The following CYFIP2 variants were observed in gnomAD, a reference collection of about 807,000 sequenced individuals.
CYFIP2 encodes cytoplasmic FMR1 interacting protein 2, also known as cytoplasmic FMR1-interacting protein 2.
In CYFIP2, 29 loss-of-function variants were observed where a neutral mutation model predicts 158.7. The observed-to-expected ratio is 0.18, with a 90% CI of 0.14 to 0.25. The LOEUF (loss-of-function observed/expected upper bound fraction) is 0.25, where lower values mean the gene tolerates loss of function less well. Among genes scored for constraint, CYFIP2 ranks in the 10% least tolerant of loss-of-function variants. The pLI is 1.00. For missense variants in CYFIP2, 852 were observed against 1,639.5 expected (o/e 0.52, Z 8.29); for synonymous variants, 585 against 617.6 (o/e 0.95, Z 0.78).
intron 15 of CYFIP2, chr5:157,322,830 C>A: frequency 8.6e-7 from 1 of 1,166,550 alleles, no homozygotes. Flanking sequence ...GGCTTTCCCA[C>A]CGTATACAAT....
intron 13 of CYFIP2, among the ~76,000 whole-genome samples, chr5:157,316,953 T>G (rs1181180302): frequency 6.6e-6 from 1 of 152,176 alleles, no homozygotes; most frequent in Non-Finnish European, 1.5e-5. Context: ...GGCACTTCTA[T>G]TACTAATGGG....
In CYFIP2 at chr5:157,361,475, G is replaced by A; in HGVS notation, c.2916G>A (p.Leu972=). The A allele has an allele frequency of 6.2e-7, 1 of 1,614,004 alleles. No individual in the cohort carries two copies. The highest frequency in any genetic ancestry group is 8.5e-7 in the Non-Finnish European group (1 of 1,179,976). ...CCCCGATTCACCTCCCAGGGATCCT[G>A]GAGTTCTTCCACCACCAGCTGAAGG... ...PRHEYGSPGI[L]EFFHHQLKDI... The change falls in exon 26 of 31, where the codon CTG becomes CTA. Residue 972 remains leucine (L), a synonymous_variant. Transcript: ENST00000620254. The surrounding 1 kb of genome is among the most constrained non-coding windows in gnomAD (Gnocchi z 4.4).
intron 5 of CYFIP2, among the ~76,000 whole-genome samples, chr5:157,297,167 A>G (rs564869837): frequency 6.6e-6 from 1 of 152,358 alleles, no homozygotes; most frequent in East Asian, 1.9e-4. Flanking sequence ...CTGACGTGTG[A>G]TGACCAGGAG....
intron 5 of CYFIP2, among the ~76,000 whole-genome samples, chr5:157,297,766 A>G (rs1231810350): frequency 6.6e-6 from 1 of 152,248 alleles, no homozygotes; most frequent in East Asian, 1.9e-4. Flanking sequence ...CATGAAAAAC[A>G]TAAAGATTAA....
intron 11 of CYFIP2, among the ~76,000 whole-genome samples, chr5:157,313,125 C>CGAA (rs1759876091): frequency 1.3e-5 from 2 of 152,224 alleles, no homozygotes; most frequent in Non-Finnish European, 2.9e-5. Flanking sequence ...CACAGTAGTT[C>CGAA]TGTAAAGTGG....
In CYFIP2 at chr5:157,389,419, C is replaced by T. The variant is rs1206531195; in HGVS notation, c.3438C>T (p.Phe1146=). The part of the protein sequence containing the change: ...VYCIPVGTNE[F]TAEQCFGDGL... ...GCATCCCTGTGGGAACCAACGAGTT[C>T]ACAGCTGAGTGAGTACCCCCCAGAG... Residue 1146 remains phenylalanine (F), a synonymous_variant, in exon 29 of 31, where the codon TTC becomes TTT. Coordinates refer to ENST00000620254, the MANE Select transcript of CYFIP2 (RefSeq NM_001037333.3). 6.3e-7 allele frequency: 1 copy of T among 1,591,244 alleles called. No individual in the cohort carries two copies. The highest frequency in any genetic ancestry group is 1.3e-5 in the African/African-American group (1 of 74,606).
chr5:157,357,339 G>T (rs1763480575), intron 23 of CYFIP2, among the ~76,000 whole-genome samples: 2 of 152,296 alleles, frequency 1.3e-5, no homozygotes, highest in South Asian at 4.1e-4. Context: ...ATATTTTCTT[G>T]ATGGCTCCAA....
At position 157,359,034 on chromosome 5, in the gene CYFIP2, C is replaced by T. The variant is rs1399090056; in HGVS notation, c.2703C>T (p.Tyr901=). ...KPLNIAYSHI[Y]SSYRNFVGPP... ...TCAACATTGCCTACAGCCACATCTA[C>T]AGCTCCTACAGGAATTTCGTGGGGC... Residue 901 remains tyrosine (Y), a synonymous_variant, in exon 24 of 31, where the codon TAC becomes TAT. Coordinates refer to ENST00000620254, the MANE Select transcript of CYFIP2 (RefSeq NM_001037333.3). The T allele has an allele frequency of 6.2e-7, 1 of 1,613,994 alleles. No individual in the cohort carries two copies. The highest frequency in any genetic ancestry group is 1.7e-5 in the Admixed American group (1 of 60,028).
Position 157,317,144 on chromosome 5 carries a change from T to C in CYFIP2, c.1356+2050T>C, listed in dbSNP as rs143999433. Among the ~76,000 whole-genome samples the C allele has an allele frequency of 1.1e-4, 17 of 152,318 alleles. 1 individual carries two copies. Among genetic ancestry groups the C allele is most frequent in the African/African-American group, 4.1e-4 (17 of 41,562 alleles). ...AGAAGATGCTCCCGCAACCCACTTCTACCTTCACCTTCCCACAACCTTATA... is the reference window on the plus strand; with the variant it reads ...AGAAGATGCTCCCGCAACCCACTTCCACCTTCACCTTCCCACAACCTTATA... On this transcript the variant is annotated intron_variant, in intron 13 of 30. Coordinates refer to ENST00000620254, the MANE Select transcript of CYFIP2 (RefSeq NM_001037333.3).
intron 3 of CYFIP2, 67 bp from the exon 4 acceptor site, chr5:157,294,715 CT>C: frequency 7.5e-7 from 1 of 1,339,450 alleles, no homozygotes; most frequent in Admixed American, 1.8e-5. Context: ...TAGTGAGGAT[CT>C]GGGGGCTTTT....
chr5:157,360,015 C>T (rs762159764), intron 24 of CYFIP2, among the ~76,000 whole-genome samples: 7 of 152,238 alleles, frequency 4.6e-5, no homozygotes, highest in Non-Finnish European at 1.0e-4. Context: ...CATTTTAGCT[C>T]TTTGTCTGAA....
At chr5:157,321,289 A>G (rs1760572655) in intron 15 of CYFIP2, among the ~76,000 whole-genome samples, 1 of 152,206 alleles carries the variant, frequency 6.6e-6, no homozygotes, top group Non-Finnish European at 1.5e-5. Flanking sequence ...CTGAGCTCTG[A>G]TTATCTTCTC....
chr5:157,320,574 C>T, intron 14 of CYFIP2, 81 bp from the exon 15 acceptor site: 1 of 1,574,730 alleles, frequency 6.4e-7, no homozygotes, highest in Non-Finnish European at 8.7e-7. Flanking sequence ...CCTGGGACAC[C>T]ACGGGCCCTA....
At chr5:157,307,071 C>T (rs1039246564) in intron 8 of CYFIP2, among the ~76,000 whole-genome samples, 3 of 152,102 alleles carry the variant, frequency 2.0e-5, no homozygotes, top group African/African-American at 7.2e-5. Context: ...AACAAGCCAG[C>T]ATTCAGGAGA....
chr5:157,318,530 A>G (rs533405482), intron 13 of CYFIP2, among the ~76,000 whole-genome samples: 90 of 152,340 alleles, frequency 5.9e-4, no homozygotes, highest in African/African-American at 1.9e-3. Flanking sequence ...GTTGGTGCCA[A>G]TGAAAACCAT....
chr5:157,384,522 C>A (rs1766454952), intron 28 of CYFIP2: 1 of 456,032 alleles, frequency 2.2e-6, no homozygotes, highest in Non-Finnish European at 4.4e-6. Flanking sequence ...TCTCTTCTGG[C>A]AAAACATGGT....
At position 157,292,457 on chromosome 5, in the gene CYFIP2, G is replaced by C. The variant is rs190856555; in HGVS notation, c.208-2326G>C. On this transcript the variant is annotated intron_variant, in intron 3 of 30. Transcript: ENST00000620254. ...TGGCCTCGAACTCCCGACCTCAGGT[G>C]ATCCACCTGCCTCGGCCTCCCAAAG... Among the ~76,000 whole-genome samples, 235 of 152,300 alleles carry C rather than the reference G, an allele frequency of 1.5e-3. 1 individual carries two copies. Among genetic ancestry groups the C allele is most frequent in the African/African-American group, 5.5e-3 (230 of 41,580 alleles).
intron 23 of CYFIP2, among the ~76,000 whole-genome samples, chr5:157,345,056 C>A (rs1056097704): frequency 6.6e-6 from 1 of 152,220 alleles, no homozygotes; most frequent in Non-Finnish European, 1.5e-5. Context: ...AGGGATGAGA[C>A]GGATGTGCTC....
chr5:157,339,398 C>T (rs559934671), intron 22 of CYFIP2, 142 bp downstream of exon 22: 117 of 711,410 alleles, frequency 1.6e-4, no homozygotes, highest in Admixed American at 3.0e-4. Context: ...AGGCTTTGTG[C>T]TGTCTCACTT....
Sources: allele counts gnomAD v4.1 joint callset (sites outside exome capture counted in the v4.1 genomes callset), GRCh38; gene constraint gnomAD v4.1.1; non-coding constraint Gnocchi (gnomAD v3.1); transcripts MANE v1.5; gene names NCBI Gene and HGNC (gene_info 2026-07-23, HGNC 2026-07-21).